The following RASSF4 variants were observed in gnomAD, a reference collection of about 807,000 sequenced individuals.
RASSF4 encodes ras association domain-containing protein 4.
Under a neutral mutation model 41.1 loss-of-function variants are expected in RASSF4, and 38 were observed. The ratio of observed to expected loss-of-function variants is 0.92; its 90% CI spans 0.71 to 1.21. The LOEUF (loss-of-function observed/expected upper bound fraction) is 1.21. Among genes scored for constraint, RASSF4 ranks in the 50% most tolerant of loss-of-function variants. RASSF4 has a pLI of 0.00. For synonymous variants in RASSF4, 179 were observed against 163.4 expected (o/e 1.10, Z -0.73); for missense variants, 414 against 419.4 (o/e 0.99, Z 0.11).
At chr10:44,977,802 G>A (rs151337183) in intron 3 of RASSF4, 444 of 1,600,682 alleles carry the variant, frequency 2.8e-4, no homozygotes, top group Non-Finnish European at 3.3e-4. Context: ...ACAGCAGGGC[G>A]GCCCTTCCGG....
rs1184937665 is a variant in RASSF4 at position 44,991,913 on chromosome 10, G to C, written c.816G>C (p.Gln272His). Reference protein sequence around the residue: ...LGVEVPHEVAQYIKFEMPVLD... With the variant: ...LGVEVPHEVAHYIKFEMPVLD... ...GTTCTTGGATTTTCTAGGTCGCTCA[G>C]TACATTAAGTTTGAAATGCCGGTGC... The change falls in exon 10 of 11, where the codon CAG becomes CAC. Residue 272 changes from glutamine (Q) to histidine (H), a missense_variant. Physicochemically the swap from Gln to His is conservative, Grantham distance 24. Coordinates refer to ENST00000340258, the MANE Select transcript of RASSF4 (RefSeq NM_032023.4). The C allele has an allele frequency of 6.2e-7, 1 of 1,610,156 alleles. No individual in the cohort carries two copies. The highest frequency in any genetic ancestry group is 1.1e-5 in the South Asian group (1 of 90,938).
intron 1 of RASSF4, among the ~76,000 whole-genome samples, chr10:44,964,831 T>A (rs1840841892): frequency 6.6e-6 from 1 of 152,022 alleles, no homozygotes; most frequent in African/African-American, 2.4e-5. Flanking sequence ...ACCCCTTAGG[T>A]ACTCATGCAG....
At position 44,984,422 on chromosome 10, in the gene RASSF4, T is replaced by C. The variant is rs532004086; in HGVS notation, c.373+309T>C. ...GAAGGCACTGCGCTCTCCTGGCCCC[T>C]CACCTCCCTCTGCGACCTCGTCCTC... is the stretch of plus-strand genomic sequence containing the variant. On this transcript the variant is annotated intron_variant, in intron 5 of 10. Transcript: ENST00000340258. 11 of 494,974 alleles carry C rather than the reference T, an allele frequency of 2.2e-5. No homozygotes were observed. The Admixed American group carries it at 3.5e-4, about 16-fold the overall frequency. The allele number at this position is 494,974 out of a possible 1,614,324, so 30.7% of individuals were successfully genotyped here.
chr10:44,986,507 C>G (rs1175314698), intron 6 of RASSF4, among the ~76,000 whole-genome samples: 1 of 152,234 alleles, frequency 6.6e-6, no homozygotes, highest in Non-Finnish European at 1.5e-5. Context: ...GCTTTTCCTC[C>G]TAGTGACAGA....
In RASSF4 at chr10:44,984,178, C is replaced by A. The variant is rs575525848; in HGVS notation, c.373+65C>A. ...CCGGGGTAGGAGCAGAGGGGCTTGG[C>A]TCACAACCACAATCTCCGAAGGACA... On this transcript the variant is annotated intron_variant, in intron 5 of 10. Coordinates refer to ENST00000340258, the MANE Select transcript of RASSF4 (RefSeq NM_032023.4). 35 of 1,426,608 alleles carry A rather than the reference C, an allele frequency of 2.5e-5. No individual in the cohort carries two copies. In the South Asian group the frequency reaches 4.6e-4, roughly 19 times the overall value. The allele number at this position is 1,426,608 out of a possible 1,614,324, so 88.4% of individuals were successfully genotyped here. A position where few individuals can be genotyped will look rare whatever the true frequency, so the allele number is the denominator to read the frequency against.
chr10:44,982,782 C>A, intron 4 of RASSF4, 119 bp downstream of exon 4: 2 of 1,121,056 alleles, frequency 1.8e-6, no homozygotes, highest in East Asian at 2.6e-5. Flanking sequence ...GAGGGTGACC[C>A]AGCCTCATCC....
chr10:44,970,388 G>A, intron 2 of RASSF4, 124 bp downstream of exon 2: 4 of 761,602 alleles, frequency 5.3e-6, no homozygotes, highest in Non-Finnish European at 6.9e-6. Flanking sequence ...TGCCCTGGGG[G>A]ACAGTGATGG....
At chr10:44,984,677 C>A in intron 5 of RASSF4, 136 bp from the exon 6 acceptor site, 1 of 970,454 alleles carries the variant, frequency 1.0e-6, no homozygotes, top group Non-Finnish European at 1.6e-6. Context: ...GCCTCCAGTC[C>A]AGGAATGGCC....
chr10:44,993,320 G>A lies in RASSF4; in HGVS notation c.957G>A (p.Glu319=), dbSNP rs1183970713. ...TMLQRLEQLV[E]AK is the part of the protein sequence containing the mutation. The stretch of plus-strand genomic sequence containing the variant: ...TGCAGCGCCTGGAGCAGCTGGTGGA[G>A]GCCAAGTAACTGGCCAACACCTGCC... Residue 319 remains glutamate (E), a synonymous_variant, in exon 11 of 11, where the codon GAG becomes GAA. Transcript: ENST00000340258. The A allele has an allele frequency of 6.2e-7, 1 of 1,604,828 alleles. No individual in the cohort carries two copies. Among genetic ancestry groups the A allele is most frequent in the Admixed American group, 1.7e-5 (1 of 59,944 alleles).
intron 2 of RASSF4, 45 bp from the exon 3 acceptor site, chr10:44,971,728 G>A: frequency 6.7e-7 from 1 of 1,483,822 alleles, no homozygotes; most frequent in Non-Finnish European, 9.4e-7. Flanking sequence ...AGAAGCTGAG[G>A]CCCTGCCACA....
At chr10:44,960,378 T>C (rs1254039990) in intron 1 of RASSF4, among the ~76,000 whole-genome samples, 1 of 152,236 alleles carries the variant, frequency 6.6e-6, no homozygotes, top group Admixed American at 6.5e-5. Flanking sequence ...TTATCCCCTT[T>C]TCAGATGTGA....
intron 8 of RASSF4, among the ~76,000 whole-genome samples, chr10:44,990,264 C>G (rs1303664077): frequency 6.6e-6 from 1 of 152,222 alleles, no homozygotes; most frequent in Non-Finnish European, 1.5e-5. Flanking sequence ...CTCTTTCTAC[C>G]CATTTAGGTT....
At chr10:44,977,995 C>T (rs769070314) in intron 3 of RASSF4, 2 of 1,611,524 alleles carry the variant, frequency 1.2e-6, no homozygotes, top group Non-Finnish European at 1.7e-6. Context: ...GAATTGTGGG[C>T]AGATGGGCCA....
In RASSF4 at chr10:44,971,766, T is replaced by G; in HGVS notation, c.63-7T>G. The G allele has an allele frequency of 6.2e-7, 1 of 1,612,764 alleles. No individual in the cohort carries two copies. On this transcript the variant is annotated splice_polypyrimidine_tract_variant and splice_region_variant and intron_variant, in intron 2 of 10. Transcript: ENST00000340258. ...CTAGGAGTACATGTGTGTCTTTCCC[T>G]TTTTAGGTCGGAGCTCTTAGGCCTG...
chr10:44,968,633 G>C (rs1841001598), intron 1 of RASSF4, among the ~76,000 whole-genome samples: 1 of 152,226 alleles, frequency 6.6e-6, no homozygotes, highest in African/African-American at 2.4e-5. Flanking sequence ...AGGGGGGAGA[G>C]AGCAAACTGG....
chr10:44,992,031 G>T, intron 10 of RASSF4, 29 bp downstream of exon 10: 1 of 1,443,668 alleles, frequency 6.9e-7, no homozygotes, highest in South Asian at 1.1e-5. Context: ...GACAGTCATG[G>T]GTCCTGAACA....
intron 3 of RASSF4, chr10:44,982,085 TG>T: frequency 4.2e-6 from 1 of 239,588 alleles, no homozygotes; most frequent in Non-Finnish European, 8.2e-6. Flanking sequence ...TCTCCTCTGG[TG>T]GGTGTGGGAC....
intron 2 of RASSF4, chr10:44,971,503 C>T: frequency 3.2e-6 from 2 of 632,304 alleles, no homozygotes; most frequent in Non-Finnish European, 5.9e-6. Context: ...AAAGTGTCGG[C>T]ACCCTGGACA....
chr10:44,984,189 A>T, intron 5 of RASSF4, 76 bp downstream of exon 5: 1 of 1,380,284 alleles, frequency 7.2e-7, no homozygotes, highest in Non-Finnish European at 9.7e-7. Context: ...TCACAACCAC[A>T]ATCTCCGAAG....
Sources: allele counts gnomAD v4.1 joint callset (sites outside exome capture counted in the v4.1 genomes callset), GRCh38; gene constraint gnomAD v4.1.1; transcripts MANE v1.5; gene names NCBI Gene and HGNC (gene_info 2026-07-23, HGNC 2026-07-21).